Variants in ANKAR observed in about 807,000 individuals in gnomAD.
ANKAR encodes the protein ankyrin and armadillo repeat-containing protein.
A neutral mutation model predicts 146.2 loss-of-function variants in ANKAR; 136 were observed. The observed-to-expected ratio is 0.93, with a 90% CI of 0.81 to 1.07. ANKAR has a LOEUF of 1.07. Among genes scored for constraint, ANKAR ranks in the 50% least tolerant of loss-of-function variants. The pLI, the probability that ANKAR is intolerant of heterozygous loss-of-function variation, is 0.00. For synonymous variants in ANKAR, 500 were observed against 575.8 expected (o/e 0.87, Z 1.88); for missense variants, 1,567 against 1,679.9 (o/e 0.93, Z 1.18).
At chr2:189,742,849 CACATTAGAATTACCTG>C (rs1343994736) in intron 20 of ANKAR, among the ~76,000 whole-genome samples, 6 of 32,432 alleles carry the variant, frequency 1.9e-4, no homozygotes, top group African/African-American at 4.8e-5. Context: ...CACACACACA[CACATTAGAATTACCTG>C]ACACACACAC....
At chr2:189,710,942 G>T in intron 9 of ANKAR, 107 bp from the exon 10 acceptor site, 1 of 844,802 alleles carries the variant, frequency 1.2e-6, no homozygotes, top group East Asian at 2.5e-5. Flanking sequence ...GGTAATAGTG[G>T]TGACCTCAAC....
intron 17 of ANKAR, among the ~76,000 whole-genome samples, chr2:189,735,671 C>T (rs1430204255): frequency 3.3e-5 from 5 of 152,192 alleles, no homozygotes; most frequent in Non-Finnish European, 7.3e-5. Flanking sequence ...CTCCTAGCCA[C>T]ATTGATACTG....
intron 1 of ANKAR, among the ~76,000 whole-genome samples, chr2:189,675,469 C>T (rs1219485771): frequency 6.6e-6 from 1 of 151,960 alleles, no homozygotes; most frequent in Non-Finnish European, 1.5e-5. Context: ...TGTCTCAAGC[C>T]CCGCGAGTAG....
intron 8 of ANKAR, among the ~76,000 whole-genome samples, chr2:189,705,951 T>C (rs1466984559): frequency 1.3e-5 from 2 of 151,786 alleles, no homozygotes; most frequent in African/African-American, 4.8e-5. Flanking sequence ...CTTTCCACTA[T>C]TATTCAGTGG....
rs542172030 is a variant in ANKAR, at chr2:189,756,841, A to G, written c.*585-4257A>G. ...GCCCATCCTATATTGCTGCCAGAGA[A>G]TACTCTAAAGCACATGCTACCAGTT... On this transcript the variant is annotated intron_variant and NMD_transcript_variant, in intron 18 of 18. Transcript: ENST00000441800. 2.6e-5 allele frequency among the ~76,000 whole-genome samples: 4 copies of G among 152,312 alleles called. No homozygotes were observed. In the East Asian group the frequency reaches 7.7e-4, roughly 29 times the overall value.
intron 22 of ANKAR, among the ~76,000 whole-genome samples, chr2:189,745,099 G>T (rs1042990667): frequency 6.6e-6 from 1 of 151,376 alleles, no homozygotes; most frequent in Admixed American, 6.6e-5. Context: ...GCTGAGGCAG[G>T]AGAATCGCTT....
chr2:189,710,110 A>C (rs907010082), intron 9 of ANKAR, among the ~76,000 whole-genome samples: 3 of 152,208 alleles, frequency 2.0e-5, no homozygotes, highest in Non-Finnish European at 2.9e-5. Context: ...TAGTTCTTGG[A>C]GTAGAAGCTG....
At chr2:189,717,603 T>C (rs918310598) in intron 10 of ANKAR, among the ~76,000 whole-genome samples, 10 of 152,138 alleles carry the variant, frequency 6.6e-5, no homozygotes, top group African/African-American at 2.4e-4. Context: ...ACCCAAAGCA[T>C]TATAAATCAT....
At chr2:189,737,629 T>C in intron 17 of ANKAR, 54 bp from the exon 18 acceptor site, 1 of 1,499,136 alleles carries the variant, frequency 6.7e-7, no homozygotes, top group South Asian at 1.3e-5. Flanking sequence ...GTCTATTATG[T>C]TGAGTAACAT....
At chr2:189,753,712 A>G (rs1443067240) in intron 18 of ANKAR, among the ~76,000 whole-genome samples, 2 of 152,218 alleles carry the variant, frequency 1.3e-5, no homozygotes, top group African/African-American at 4.8e-5. Flanking sequence ...CTTATGTGCC[A>G]TAGAAGCTAT....
chr2:189,693,249 C>T (rs1397532257), intron 5 of ANKAR, 72 bp downstream of exon 5: 10 of 939,760 alleles, frequency 1.1e-5, no homozygotes, highest in Non-Finnish European at 1.7e-5. Flanking sequence ...AAGAAAATGA[C>T]AAAATGCAAA....
intron 5 of ANKAR, among the ~76,000 whole-genome samples, chr2:189,694,639 A>T (rs1559073433): frequency 1.3e-5 from 2 of 152,222 alleles, no homozygotes; most frequent in African/African-American, 4.8e-5. Flanking sequence ...AGCCAGATAT[A>T]GACATAATTA....
At chr2:189,695,552 C>T (rs975806670) in intron 6 of ANKAR, among the ~76,000 whole-genome samples, 1 of 152,174 alleles carries the variant, frequency 6.6e-6, no homozygotes, top group Admixed American at 6.5e-5. Flanking sequence ...AGCCAGGCTT[C>T]AGTCCTGGGA....
Position 189,676,699 on chromosome 2 carries a change from G to C in ANKAR, c.209G>C (p.Gly70Ala). Reference protein sequence around the residue: ...DVRSQVDLPCGIMSQMNNVGF... With the variant: ...DVRSQVDLPCAIMSQMNNVGF... ...CGCTCTCAAGTAGACCTCCCATGTG[G>C]AATTATGAGTCAAATGAATAACGTA... The change falls in exon 2 of 23, where the codon GGA (glycine) becomes GCA (alanine). Residue 70 changes from glycine (G) to alanine (A), a missense_variant. Transcript: ENST00000684021. 6.2e-7 allele frequency: 1 copy of C among 1,614,162 alleles called. No individual in the cohort carries two copies. The highest frequency in any genetic ancestry group is 8.5e-7 in the Non-Finnish European group (1 of 1,180,048).
intron 7 of ANKAR, among the ~76,000 whole-genome samples, chr2:189,704,777 TA>T (rs573489282): frequency 7.3e-5 from 11 of 151,318 alleles, no homozygotes; most frequent in Middle Eastern, 3.4e-3. Context: ...TCTTTGCTTA[TA>T]AAAAAATATG....
At chr2:189,700,101 A>G (rs918033235) in intron 7 of ANKAR, among the ~76,000 whole-genome samples, 2 of 150,544 alleles carry the variant, frequency 1.3e-5, no homozygotes, top group African/African-American at 4.9e-5. Context: ...TCTAACCTAT[A>G]TCATTTTTCT....
intron 2 of ANKAR, among the ~76,000 whole-genome samples, chr2:189,682,079 G>A (rs1484505146): frequency 6.6e-6 from 1 of 152,122 alleles, no homozygotes; most frequent in Admixed American, 6.5e-5. Flanking sequence ...GGATAGTGCT[G>A]GGTGTGTTTA....
At chr2:189,744,216 AATG>A (rs1162907528) in intron 21 of ANKAR, among the ~76,000 whole-genome samples, 1 of 152,204 alleles carries the variant, frequency 6.6e-6, no homozygotes, top group Non-Finnish European at 1.5e-5. Context: ...AAGTACAGAG[AATG>A]ATGAGTACAT....
chr2:189,689,603 T>G lies in ANKAR; in HGVS notation c.678T>G (p.Asp226Glu), dbSNP rs767557193. 1 of 1,613,320 alleles carries G rather than the reference T, an allele frequency of 6.2e-7. No homozygotes were observed. The change falls in exon 3 of 23, where the codon GAT becomes GAG. Residue 226 changes from aspartate (D) to glutamate (E), a missense_variant. By Grantham distance (45) the Asp-to-Glu change is conservative. Transcript: ENST00000684021. ...DEDVNEDPTY[D>E]PNSPEETAVF... The stretch of plus-strand genomic sequence containing the variant: ...ACGTGAATGAAGATCCAACATATGA[T>G]CCCAACAGCCCTGAAGAAACAGCTG...
Sources: gnomAD v4.1 joint callset for allele counts (sites outside exome capture counted in the v4.1 genomes callset) on GRCh38, gnomAD v4.1.1 for gene constraint, MANE v1.5 for transcripts, NCBI Gene and HGNC (gene_info 2026-07-23, HGNC 2026-07-21) for gene names.